EPHA6: variants seen among roughly 807,000 people sequenced by gnomAD.
EPHA6 encodes ephrin type-A receptor 6.
Under a neutral mutation model 112.0 loss-of-function variants are expected in EPHA6, and 50 were observed. The observed-to-expected ratio is 0.45, with a 90% CI of 0.36 to 0.56. The LOEUF (loss-of-function observed/expected upper bound fraction) is 0.56. Among genes scored for constraint, EPHA6 ranks in the 20% least tolerant of loss-of-function variants. The pLI is 0.00. For synonymous variants in EPHA6, 529 were observed against 490.7 expected (o/e 1.08, Z -1.03); for missense variants, 1,280 against 1,417.4 (o/e 0.90, Z 1.56).
intron 10 of EPHA6, among the ~76,000 whole-genome samples, chr3:97,513,712 A>G (rs1016731816): frequency 7.9e-5 from 12 of 152,086 alleles, no homozygotes; most frequent in African/African-American, 2.7e-4. Flanking sequence ...AGGTTGGTCA[A>G]TGGGTACAAT....
Position 97,634,531 on chromosome 3 carries a change from G to C in EPHA6, c.2575-3342G>C, listed in dbSNP as rs1438905392. ...AGATGTGCACGCAGGAACTTTGTTG[G>C]GAGGGCTCACAGGACCAGCTTCCTT... On this transcript the variant is annotated intron_variant, in intron 13 of 17. Transcript: ENST00000389672. Among the ~76,000 whole-genome samples, 3 of 152,048 alleles carry C rather than the reference G, an allele frequency of 2.0e-5. No homozygotes were observed. In the East Asian group the frequency reaches 5.8e-4, roughly 29 times the overall value.
chr3:97,446,516 C>G (rs1011264387), intron 6 of EPHA6, among the ~76,000 whole-genome samples: 1 of 152,140 alleles, frequency 6.6e-6, no homozygotes, highest in Non-Finnish European at 1.5e-5. Context: ...TGGAGCCATT[C>G]TAAGAGTAAA....
In EPHA6 at chr3:96,920,704, T is replaced by A. The variant is rs78812426; in HGVS notation, c.450+53815T>A. On this transcript the variant is annotated intron_variant, in intron 2 of 17. Transcript: ENST00000389672. Reference sequence around the variant, plus strand: ...TTTAATATGTATATACATTTTAGGATGTATATATGTCAATCGGTATATTTG... The same window carrying A: ...TTTAATATGTATATACATTTTAGGAAGTATATATGTCAATCGGTATATTTG... Among the ~76,000 whole-genome samples the A allele has an allele frequency of 2.1e-3, 317 of 152,124 alleles. 9 individuals are homozygous for A. The East Asian group carries it at 0.042, about 20-fold the overall frequency.
intron 14 of EPHA6, among the ~76,000 whole-genome samples, chr3:97,698,715 T>A (rs2033192071): frequency 6.6e-6 from 1 of 152,222 alleles, no homozygotes; most frequent in African/African-American, 2.4e-5. Context: ...ATGGCAATTA[T>A]CGGGCATGTG....
chr3:97,457,925 A>G (rs927796185), intron 7 of EPHA6, among the ~76,000 whole-genome samples: 6 of 151,836 alleles, frequency 4.0e-5, no homozygotes, highest in African/African-American at 9.7e-5. Context: ...AAAATTAGCC[A>G]GGCGTGGTAG....
chr3:97,054,445 G>C (rs1333017058), intron 3 of EPHA6, among the ~76,000 whole-genome samples: 1 of 152,066 alleles, frequency 6.6e-6, no homozygotes, highest in Non-Finnish European at 1.5e-5. Context: ...CACTTGTGAA[G>C]AAGGGGCATT....
intron 14 of EPHA6, among the ~76,000 whole-genome samples, chr3:97,661,428 T>C (rs1010520307): frequency 6.6e-6 from 1 of 152,186 alleles, no homozygotes; most frequent in African/African-American, 2.4e-5. Context: ...GCCCTATTAC[T>C]GAGACATCTT....
intron 14 of EPHA6, among the ~76,000 whole-genome samples, chr3:97,677,405 T>G (rs2031484158): frequency 6.6e-6 from 1 of 152,138 alleles, no homozygotes; most frequent in African/African-American, 2.4e-5. Context: ...ATTGGAGACA[T>G]CCTACTAGAA....
At chr3:97,068,637 C>T (rs571985911) in intron 3 of EPHA6, among the ~76,000 whole-genome samples, 51 of 152,064 alleles carry the variant, frequency 3.4e-4, no homozygotes, top group African/African-American at 1.1e-3. Context: ...CACACACACA[C>T]GTTGCAATGG....
chr3:97,736,547 G>T (rs1222102953), intron 16 of EPHA6, among the ~76,000 whole-genome samples: 3 of 149,342 alleles, frequency 2.0e-5, no homozygotes, highest in Non-Finnish European at 4.4e-5. Flanking sequence ...TCTATGTTCT[G>T]TTCCTGAATT....
intron 9 of EPHA6, among the ~76,000 whole-genome samples, chr3:97,482,995 G>A (rs911339301): frequency 6.6e-6 from 1 of 152,170 alleles, no homozygotes; most frequent in Non-Finnish European, 1.5e-5. Context: ...GCTTGTGCCT[G>A]TACTCCCAGC....
intron 14 of EPHA6, among the ~76,000 whole-genome samples, chr3:97,676,949 G>A (rs775855679): frequency 1.1e-4 from 17 of 152,228 alleles, no homozygotes; most frequent in Middle Eastern, 6.8e-3. Context: ...AGTGATCTAG[G>A]ATTTTGCTGT....
At position 97,224,870 on chromosome 3, in the gene EPHA6, A is replaced by G. The variant is rs946115486; in HGVS notation, c.1115-1394A>G. 2.0e-5 allele frequency among the ~76,000 whole-genome samples: 3 copies of G among 152,170 alleles called. No individual in the cohort carries two copies. The South Asian group carries it at 6.2e-4, about 32-fold the overall frequency. Reference sequence around the variant, plus strand: ...GTATGTTAGAATTTTAAATATTGTTATAGATTAAAGGTATTACTTCAATTT... The same window carrying G: ...GTATGTTAGAATTTTAAATATTGTTGTAGATTAAAGGTATTACTTCAATTT... On this transcript the variant is annotated intron_variant, in intron 3 of 17. Transcript: ENST00000389672.
At chr3:97,639,585 T>C (rs2107563927) in intron 14 of EPHA6, among the ~76,000 whole-genome samples, 1 of 152,258 alleles carries the variant, frequency 6.6e-6, no homozygotes, top group East Asian at 1.9e-4. Flanking sequence ...TAAGCCTATA[T>C]AAATAGACTT....
intron 2 of EPHA6, among the ~76,000 whole-genome samples, chr3:96,938,257 A>G (rs1458449364): frequency 2.6e-5 from 4 of 152,124 alleles, no homozygotes; most frequent in Non-Finnish European, 5.9e-5. Context: ...ATGTTTTTCC[A>G]TTTCTTTGTA....
At chr3:96,898,859 C>T (rs980624439) in intron 2 of EPHA6, among the ~76,000 whole-genome samples, 1 of 151,592 alleles carries the variant, frequency 6.6e-6, no homozygotes, top group Non-Finnish European at 1.5e-5. Context: ...GAAACCCCGT[C>T]TCTACTAAAA....
intron 1 of EPHA6, among the ~76,000 whole-genome samples, chr3:96,816,016 C>T (rs114354506): frequency 6.6e-6 from 1 of 152,160 alleles, no homozygotes; most frequent in Non-Finnish European, 1.5e-5. Context: ...ACACATAAGG[C>T]ATATGTTTCA....
At chr3:97,682,810 CTCT>C (rs2031965590) in intron 14 of EPHA6, among the ~76,000 whole-genome samples, 1 of 152,172 alleles carries the variant, frequency 6.6e-6, no homozygotes, top group Admixed American at 6.6e-5. Flanking sequence ...CATCTGTATA[CTCT>C]ATGGACAACT....
intron 15 of EPHA6, among the ~76,000 whole-genome samples, chr3:97,725,226 A>G (rs2034707365): frequency 6.6e-6 from 1 of 152,004 alleles, no homozygotes; most frequent in African/African-American, 2.4e-5. Context: ...CAGCTTTGCA[A>G]CCCCAGCAAA....
Sources: gnomAD v4.1 joint callset for allele counts (sites outside exome capture counted in the v4.1 genomes callset) on GRCh38, gnomAD v4.1.1 for gene constraint, MANE v1.5 for transcripts, NCBI Gene and HGNC (gene_info 2026-07-23, HGNC 2026-07-21) for gene names.